Variants in TAGAP observed in about 807,000 individuals in gnomAD.
TAGAP encodes T cell activation RhoGTPase activating protein.
Under a neutral mutation model 36.0 loss-of-function variants are expected in TAGAP, and 16 were observed. That is an observed-to-expected ratio of 0.44 (90% CI 0.30 to 0.68). TAGAP has a LOEUF of 0.68. Among genes scored for constraint, TAGAP ranks in the 30% least tolerant of loss-of-function variants. The probability of loss-of-function intolerance (pLI) is 0.09; values close to 1 mark genes in which losing one functional copy is unlikely to be tolerated. For synonymous variants in TAGAP, 372 were observed against 377.4 expected (o/e 0.99, Z 0.17); for missense variants, 794 against 921.5 (o/e 0.86, Z 1.79).
intron 7 of TAGAP, 105 bp downstream of exon 7, chr6:159,040,618 C>T: frequency 2.1e-6 from 2 of 943,264 alleles, no homozygotes; most frequent in South Asian, 1.6e-5. Context: ...CTAAACATCA[C>T]AATTCTCATG....
rs905326257 is a variant in TAGAP at position 159,040,830 on chromosome 6, G to C, written c.480C>G (p.Asp160Glu). ...PVHLLAVVFK[D>E]FLRSIPRKLL... ...GCTTCCGGGGGATACTTCTGAGGAAGTCCTGGGGGATGAGAGTGGGCTGTT... is the reference window on the plus strand; with the variant it reads ...GCTTCCGGGGGATACTTCTGAGGAACTCCTGGGGGATGAGAGTGGGCTGTT... The change falls in exon 7 of 10, where the codon GAC becomes GAG. Residue 160 changes from aspartate (D) to glutamate (E), a missense_variant and splice_region_variant. Physicochemically the swap from Asp to Glu is conservative, Grantham distance 45. Transcript: ENST00000367066. 1 of 1,613,402 alleles carries C rather than the reference G, an allele frequency of 6.2e-7. No homozygotes were observed. The highest frequency in any genetic ancestry group is 1.3e-5 in the African/African-American group (1 of 74,930).
rs1467714576 is a variant in TAGAP, at chr6:159,044,923, G to C, written c.-103C>G. ...AGAGTTCTTTTACATCCGGTGAGCTGTAAAGAATGGGAGAAACAGCATAAC... is the reference window on the plus strand; with the variant it reads ...AGAGTTCTTTTACATCCGGTGAGCTCTAAAGAATGGGAGAAACAGCATAAC... On this transcript the variant is annotated 5_prime_UTR_variant, in exon 1 of 10. Coordinates refer to ENST00000367066, the MANE Select transcript of TAGAP (RefSeq NM_054114.5). The C allele has an allele frequency of 1.3e-5, 5 of 398,532 alleles. No individual in the cohort carries two copies. Among genetic ancestry groups the C allele is most frequent in the Non-Finnish European group, 8.8e-6 (2 of 226,074 alleles). 24.7% of individuals were successfully genotyped at this position (398,532 alleles called of 1,614,324 possible). A position where few individuals can be genotyped will look rare whatever the true frequency, so the allele number is the denominator to read the frequency against.
Position 159,035,526 on chromosome 6 carries a change from A to G in TAGAP, c.*301T>C, listed in dbSNP as rs1369916651. ...CCAAGAGAAAAGTGCCCCAGGAAGC[A>G]AGGAACAGCAGTGTACTTCACTGCA... is the stretch of plus-strand genomic sequence containing the variant. On this transcript the variant is annotated 3_prime_UTR_variant, in exon 10 of 10. Coordinates refer to ENST00000367066, the MANE Select transcript of TAGAP (RefSeq NM_054114.5). 4.3e-6 allele frequency: 1 copy of G among 234,840 alleles called. No homozygotes were observed. Among genetic ancestry groups the G allele is most frequent in the African/African-American group, 2.2e-5 (1 of 44,564 alleles). 14.5% of individuals were successfully genotyped at this position (234,840 alleles called of 1,614,324 possible).
Position 159,035,915 on chromosome 6 carries a change from C to G in TAGAP, c.2108G>C (p.Arg703Thr). 1 of 1,614,194 alleles carries G rather than the reference C, an allele frequency of 6.2e-7. No homozygotes were observed. Among genetic ancestry groups the G allele is most frequent in the Non-Finnish European group, 8.5e-7 (1 of 1,179,996 alleles). Residue 703 changes from arginine (R) to threonine (T), a missense_variant, in exon 10 of 10, where the codon AGG becomes ACG. By Grantham distance (71) the Arg-to-Thr change is moderately conservative (BLOSUM62 -1). Transcript: ENST00000367066. ...TCGCACGAGACAGTCCCGCTTATTC[C>G]TCTGCACGGACTCGGAGACGGTCCT... Reference protein sequence around the residue: ...PLRTVSESVQRNKRDCLVRRC... With the variant: ...PLRTVSESVQTNKRDCLVRRC...
Position 159,040,981 on chromosome 6 carries a change from G to A in TAGAP, c.478-149C>T, listed in dbSNP as rs1191107118. ...TCATTCCTGCATTTGATGAATCCAGGGAACCCTCTCTCCAACACCCTTGGC... is the reference window on the plus strand; with the variant it reads ...TCATTCCTGCATTTGATGAATCCAGAGAACCCTCTCTCCAACACCCTTGGC... On this transcript the variant is annotated intron_variant, in intron 6 of 9. Transcript: ENST00000367066. 1.6e-5 allele frequency: 10 copies of A among 643,526 alleles called. No homozygotes were observed. The East Asian group carries it at 2.8e-4, about 18-fold the overall frequency. 39.9% of individuals were successfully genotyped at this position (643,526 alleles called of 1,614,324 possible). A position where few individuals can be genotyped will look rare whatever the true frequency, so the allele number is the denominator to read the frequency against.
In TAGAP at chr6:159,041,744, A is replaced by G. The variant is rs1200705001; in HGVS notation, c.316-229T>C. On this transcript the variant is annotated intron_variant, in intron 5 of 9. Transcript: ENST00000367066. The surrounding 1 kb of genome is among the most constrained non-coding windows in gnomAD (Gnocchi z 4.1). ...TCCTTTCAAATACTTCCATATGAAC[A>G]TTGGATTTCAGATCACAAAGTCTAT... is the stretch of plus-strand genomic sequence containing the variant. 7.2e-6 allele frequency: 4 copies of G among 556,672 alleles called. No homozygotes were observed. The African/African-American group carries it at 7.6e-5, about 11-fold the overall frequency. 34.5% of individuals were successfully genotyped at this position (556,672 alleles called of 1,614,324 possible). A position where few individuals can be genotyped will look rare whatever the true frequency, so the allele number is the denominator to read the frequency against.
chr6:159,036,097 G>C lies in TAGAP; in HGVS notation c.1926C>G (p.His642Gln). ...TGCCCCTGTGTCTTGAGTCCTCTACGTGGTGAGCAGGTGGAAGAGGGGGTA... is the reference window on the plus strand; with the variant it reads ...TGCCCCTGTGTCTTGAGTCCTCTACCTGGTGAGCAGGTGGAAGAGGGGGTA... ...CLLPPLPPAH[H>Q]VEDSRHRGSK... The change falls in exon 10 of 10, where the codon CAC (histidine) becomes CAG (glutamine). Residue 642 changes from histidine to glutamine, a missense_variant. Physicochemically the swap from His to Gln is conservative, Grantham distance 24. Transcript: ENST00000367066. This position sits in a 1 kb window ranked among gnomAD's most constrained non-coding sequence, Gnocchi z 4.9. The C allele has an allele frequency of 6.2e-7, 1 of 1,613,766 alleles. No homozygotes were observed. Among genetic ancestry groups the C allele is most frequent in the East Asian group, 2.2e-5 (1 of 44,866 alleles).
At position 159,041,422 on chromosome 6, in the gene TAGAP, C is replaced by T; in HGVS notation, c.409G>A (p.Glu137Lys). The T allele has an allele frequency of 4.3e-6, 7 of 1,614,174 alleles. No homozygotes were observed. Among genetic ancestry groups the T allele is most frequent in the Non-Finnish European group, 5.9e-6 (7 of 1,180,036 alleles). ...NEKARKELKE[E>K]LNSGDAVDLE... ...TCCACCGCATCCCCAGAGTTGAGCTCCTCCTTCAGCTCCTTACGGGCTTTC... is the reference window on the plus strand; with the variant it reads ...TCCACCGCATCCCCAGAGTTGAGCTTCTCCTTCAGCTCCTTACGGGCTTTC... The change falls in exon 6 of 10, where the codon GAG (glutamate) becomes AAG (lysine). Residue 137 changes from glutamate (E) to lysine (K), a missense_variant. Coordinates refer to ENST00000367066, the MANE Select transcript of TAGAP (RefSeq NM_054114.5). This position sits in a 1 kb window ranked among gnomAD's most constrained non-coding sequence, Gnocchi z 4.1.
In TAGAP at chr6:159,038,234, A is replaced by G; in HGVS notation, c.784-6T>C. 1 of 1,142,196 alleles carries G rather than the reference A, an allele frequency of 8.8e-7. No homozygotes were observed. The highest frequency in any genetic ancestry group is 1.6e-5 in the African/African-American group (1 of 64,254). 70.8% of individuals were successfully genotyped at this position (1,142,196 alleles called of 1,614,324 possible). On this transcript the variant is annotated splice_polypyrimidine_tract_variant and splice_region_variant and intron_variant, in intron 8 of 9. Transcript: ENST00000367066. Reference sequence around the variant, plus strand: ...AATTCCACCAGTGTCTTCACCTGTGAGGAAAAGTAAGCAATTTGTCAGCTT... The same window carrying G: ...AATTCCACCAGTGTCTTCACCTGTGGGGAAAAGTAAGCAATTTGTCAGCTT...
chr6:159,044,647 A>C (rs1295022203), intron 1 of TAGAP, among the ~76,000 whole-genome samples: 3 of 152,086 alleles, frequency 2.0e-5, no homozygotes, highest in African/African-American at 4.8e-5. Flanking sequence ...AAAAAAAAAA[A>C]AACATATCCC....
In TAGAP at chr6:159,035,691, T is replaced by G; in HGVS notation, c.*136A>C. The G allele has an allele frequency of 1.2e-6, 1 of 807,074 alleles. No homozygotes were observed. The highest frequency in any genetic ancestry group is 1.9e-6 in the Non-Finnish European group (1 of 526,034). 50.0% of individuals were successfully genotyped at this position (807,074 alleles called of 1,614,324 possible). A position where few individuals can be genotyped will look rare whatever the true frequency, so the allele number is the denominator to read the frequency against. The stretch of plus-strand genomic sequence containing the variant: ...ATGCGCCATGGCCATGGTGTAGCTA[T>G]CCTCACTGAGGAGGGCTTTCCACAA... On this transcript the variant is annotated 3_prime_UTR_variant, in exon 10 of 10. Transcript: ENST00000367066.
Position 159,035,029 on chromosome 6 carries a change from G to A in TAGAP, c.*798C>T. ...AATAAGGAAGGCAATTTATTGTAGT[G>A]AAATTACATTGAAGTTTTATATATG... On this transcript the variant is annotated 3_prime_UTR_variant, in exon 10 of 10. Coordinates refer to ENST00000367066, the MANE Select transcript of TAGAP (RefSeq NM_054114.5). The A allele has an allele frequency of 6.6e-6, 1 of 152,282 alleles. No individual in the cohort carries two copies. 9.4% of individuals were successfully genotyped at this position (152,282 alleles called of 1,614,324 possible).
Position 159,041,290 on chromosome 6 carries a change from A to G in TAGAP, c.477+64T>C. ...GTGGGGAGAAGAGCCTATTTCTTGC[A>G]TCCTGAGAATGAGTGTGTCAGGGCC... On this transcript the variant is annotated intron_variant, in intron 6 of 9. Coordinates refer to ENST00000367066, the MANE Select transcript of TAGAP (RefSeq NM_054114.5). This position sits in a 1 kb window ranked among gnomAD's most constrained non-coding sequence, Gnocchi z 4.1. 2 of 1,576,666 alleles carry G rather than the reference A, an allele frequency of 1.3e-6. No individual in the cohort carries two copies. Among genetic ancestry groups the G allele is most frequent in the Non-Finnish European group, 1.7e-6 (2 of 1,159,974 alleles).
intron 3 of TAGAP, 63 bp downstream of exon 3, chr6:159,043,915 T>A (rs1779844786): frequency 8.9e-6 from 13 of 1,460,912 alleles, no homozygotes; most frequent in Non-Finnish European, 1.1e-5. Context: ...TAATATTCAA[T>A]TAAAACAAAG....
At position 159,041,533 on chromosome 6, in the gene TAGAP, A is replaced by G. The variant is rs781090542; in HGVS notation, c.316-18T>C. 3.1e-6 allele frequency: 5 copies of G among 1,610,756 alleles called. No homozygotes were observed. In the East Asian group the frequency reaches 1.1e-4, roughly 36 times the overall value. On this transcript the variant is annotated intron_variant, in intron 5 of 9. Transcript: ENST00000367066. This position sits in a 1 kb window ranked among gnomAD's most constrained non-coding sequence, Gnocchi z 4.1. The stretch of plus-strand genomic sequence containing the variant: ...AGAATGTCCTAAAGGAAACAGCAAT[A>G]GGAACAGGAAAGGGTTACCCTTCTT...
Position 159,043,958 on chromosome 6 carries a change from C to A in TAGAP, c.81+20G>T. 2 of 1,608,616 alleles carry A rather than the reference C, an allele frequency of 1.2e-6. No individual in the cohort carries two copies. Among genetic ancestry groups the A allele is most frequent in the South Asian group, 2.2e-5 (2 of 90,544 alleles). On this transcript the variant is annotated intron_variant, in intron 3 of 9. Transcript: ENST00000367066. ...CCTTCTCACAGTACAGATAAAAAGTCTTAAAAATTGCTTTCTTACCTCTGA... is the reference window on the plus strand; with the variant it reads ...CCTTCTCACAGTACAGATAAAAAGTATTAAAAATTGCTTTCTTACCTCTGA...
chr6:159,041,397 T>A lies in TAGAP; in HGVS notation c.434A>T (p.Asp145Val). The part of the protein sequence containing the change: ...KEELNSGDAV[D>V]LERLPVHLLA... ...GAGGTGCACGGGGAGCCTCTCCAGA[T>A]CCACCGCATCCCCAGAGTTGAGCTC... is the stretch of plus-strand genomic sequence containing the variant. Residue 145 changes from aspartate (D) to valine (V), a missense_variant, in exon 6 of 10, where the codon GAT (aspartate) becomes GTT (valine). By Grantham distance (152) the Asp-to-Val change is radical. Coordinates refer to ENST00000367066, the MANE Select transcript of TAGAP (RefSeq NM_054114.5). This position sits in a 1 kb window ranked among gnomAD's most constrained non-coding sequence, Gnocchi z 4.1. The A allele has an allele frequency of 1.2e-6, 2 of 1,614,088 alleles. No individual in the cohort carries two copies. Among genetic ancestry groups the A allele is most frequent in the Non-Finnish European group, 1.7e-6 (2 of 1,180,008 alleles).
chr6:159,043,251 A>G lies in TAGAP; in HGVS notation c.148+338T>C, dbSNP rs546901507. Among the ~76,000 whole-genome samples the G allele has an allele frequency of 2.6e-5, 4 of 152,348 alleles. No individual in the cohort carries two copies. In the South Asian group the frequency reaches 8.3e-4, roughly 32 times the overall value. The stretch of plus-strand genomic sequence containing the variant: ...AGTTGCTTCATAGGCTCTTGGATGC[A>G]TTCTCCATAAGAGAAGGAAGAAAAT... On this transcript the variant is annotated intron_variant, in intron 4 of 9. Coordinates refer to ENST00000367066, the MANE Select transcript of TAGAP (RefSeq NM_054114.5).
Position 159,035,696 on chromosome 6 carries a change from A to T in TAGAP, c.*131T>A. The T allele has an allele frequency of 2.3e-6, 2 of 884,300 alleles. No individual in the cohort carries two copies. The highest frequency in any genetic ancestry group is 3.4e-6 in the Non-Finnish European group (2 of 595,378). 54.8% of individuals were successfully genotyped at this position (884,300 alleles called of 1,614,324 possible). Reference sequence around the variant, plus strand: ...CCATGGCCATGGTGTAGCTATCCTCACTGAGGAGGGCTTTCCACAACTTTC... The same window carrying T: ...CCATGGCCATGGTGTAGCTATCCTCTCTGAGGAGGGCTTTCCACAACTTTC... On this transcript the variant is annotated 3_prime_UTR_variant, in exon 10 of 10. Transcript: ENST00000367066.
Sources: allele counts gnomAD v4.1 joint callset (sites outside exome capture counted in the v4.1 genomes callset), GRCh38; gene constraint gnomAD v4.1.1; non-coding constraint Gnocchi (gnomAD v3.1); transcripts MANE v1.5; gene names NCBI Gene and HGNC (gene_info 2026-07-23, HGNC 2026-07-21).